PRDM14: variants seen among roughly 807,000 people sequenced by gnomAD.
PRDM14 encodes PR/SET domain 14, also known as PR domain zinc finger protein 14.
A neutral mutation model predicts 48.0 loss-of-function variants in PRDM14; 16 were observed. The observed-to-expected ratio is 0.33, with a 90% CI of 0.23 to 0.51. PRDM14 has a LOEUF of 0.51. PRDM14 is among the 20% of genes least tolerant of loss of function. The pLI is 0.97. For missense variants in PRDM14, 566 were observed against 719.6 expected (o/e 0.79, Z 2.44); for synonymous variants, 264 against 276.6 (o/e 0.95, Z 0.45).
At chr8:70,061,810 C>G (rs954943987) in intron 5 of PRDM14, among the ~76,000 whole-genome samples, 3 of 152,092 alleles carry the variant, frequency 2.0e-5, no homozygotes, top group African/African-American at 7.2e-5. Context: ...CCTCCCTCCC[C>G]CTAGCTCTTC....
chr8:70,055,463 C>G (rs1174708614), intron 6 of PRDM14, 62 bp from the exon 7 acceptor site: 3 of 955,926 alleles, frequency 3.1e-6, no homozygotes, highest in African/African-American at 3.3e-5. Context: ...CCATTTCAAC[C>G]TTGCGTTTAC....
intron 7 of PRDM14, among the ~76,000 whole-genome samples, 171 bp from the exon 8 acceptor site, chr8:70,052,475 C>T (rs952367755): frequency 2.6e-5 from 4 of 152,170 alleles, no homozygotes; most frequent in African/African-American, 7.2e-5. Context: ...CGAAAGGACT[C>T]CACTGATGTG....
chr8:70,067,819 G>T (rs969190333), intron 4 of PRDM14, among the ~76,000 whole-genome samples: 1 of 151,858 alleles, frequency 6.6e-6, no homozygotes, highest in Non-Finnish European at 1.5e-5. Context: ...AGAGTATCTG[G>T]TTATTTTTTT....
At position 70,068,276 on chromosome 8, in the gene PRDM14, T is replaced by C. The variant is rs368431550; in HGVS notation, c.866A>G (p.Asn289Ser). The C allele has an allele frequency of 2.5e-6, 4 of 1,614,106 alleles. No homozygotes were observed. The highest frequency in any genetic ancestry group is 2.7e-5 in the African/African-American group (2 of 74,940). ...TCCGTAGGTCTTCACTTCACTGGCA[T>C]TGACCACTTTACCTTGAAAGGGCCC... ...RFGPFQGKVV[N>S]ASEVKTYGDN... The change falls in exon 4 of 8, where the codon AAT becomes AGT. Residue 289 changes from asparagine to serine, a missense_variant. Physicochemically the swap from Asn to Ser is conservative, Grantham distance 46. Transcript: ENST00000276594.
At chr8:70,055,509 CTTT>C (rs201316659) in intron 6 of PRDM14, 108 bp from the exon 7 acceptor site, 6,196 of 451,986 alleles carry the variant, frequency 0.014, 1 homozygote, top group East Asian at 0.028. Context: ...CAATTTTTTT[CTTT>C]TTTTTTTTTT....
At chr8:70,059,276 C>A (rs956734032) in intron 5 of PRDM14, among the ~76,000 whole-genome samples, 2 of 143,290 alleles carry the variant, frequency 1.4e-5, no homozygotes, top group African/African-American at 2.6e-5. Flanking sequence ...CTTTTCTTTT[C>A]TTTTTTTTTT....
chr8:70,069,647 G>A lies in PRDM14; in HGVS notation c.214C>T (p.Arg72Trp). The change falls in exon 2 of 8, where the codon CGG (arginine) becomes TGG (tryptophan). Residue 72 changes from arginine to tryptophan, a missense_variant. Arg to Trp is a moderately radical substitution (Grantham distance 101, BLOSUM62 -3). Around this residue, in one of 3 missense-constraint regions of PRDM14, gnomAD observed 410 missense variants for 424.6 expected, o/e 0.97. Coordinates refer to ENST00000276594, the MANE Select transcript of PRDM14 (RefSeq NM_024504.4). ...GGGCTCAGCAAGGGAGGCGCCATCC[G>A]GAAGGGGAAGGGGGGCATGGCGGGG... ...AAPAMPPFPF[R>W]MAPPLLSPGL... 1 of 1,568,472 alleles carries A rather than the reference G, an allele frequency of 6.4e-7. No homozygotes were observed. The highest frequency in any genetic ancestry group is 8.6e-7 in the Non-Finnish European group (1 of 1,156,858).
intron 5 of PRDM14, among the ~76,000 whole-genome samples, chr8:70,065,044 G>GC (rs971197786): frequency 1.3e-5 from 2 of 151,632 alleles, no homozygotes; most frequent in African/African-American, 4.8e-5. Context: ...GTGCCACTAC[G>GC]CCCCGCTAAT....
At chr8:70,062,731 G>A (rs1665950858) in intron 5 of PRDM14, among the ~76,000 whole-genome samples, 3 of 152,244 alleles carry the variant, frequency 2.0e-5, no homozygotes, top group Non-Finnish European at 4.4e-5. Flanking sequence ...CTCCCAAAGC[G>A]CTGGGATTAC....
At position 70,068,898 on chromosome 8, in the gene PRDM14, G is replaced by C. The variant is rs187403663; in HGVS notation, c.700+263C>G. 6.3e-3 allele frequency among the ~76,000 whole-genome samples: 961 copies of C among 152,326 alleles called. 7 individuals carry two copies. Among genetic ancestry groups the C allele is most frequent in the Middle Eastern group, 0.027 (8 of 294 alleles). ...AAGGCTGTCATTGCATGTTAGCATA[G>C]AATCTGAACCTACCTGGGAGTTCGC... On this transcript the variant is annotated intron_variant, in intron 2 of 7. Transcript: ENST00000276594.
chr8:70,068,714 A>G (rs1393446437), intron 2 of PRDM14, among the ~76,000 whole-genome samples, 182 bp from the exon 3 acceptor site: 2 of 152,270 alleles, frequency 1.3e-5, no homozygotes, highest in Middle Eastern at 3.4e-3. Flanking sequence ...ACTGTAAACA[A>G]TTCCATATAC....
In PRDM14 at chr8:70,068,495, G is replaced by A; in HGVS notation, c.738C>T (p.Ser246=). The A allele has an allele frequency of 2.5e-6, 4 of 1,614,146 alleles. No homozygotes were observed. Among genetic ancestry groups the A allele is most frequent in the Middle Eastern group, 1.6e-4 (1 of 6,062 alleles). The change falls in exon 3 of 8, where the codon TCC becomes TCT. Residue 246 remains serine, a synonymous_variant. Coordinates refer to ENST00000276594, the MANE Select transcript of PRDM14 (RefSeq NM_024504.4). ...CCTGCCTACCTTCTGGAAGTTGAAG[G>A]GAGTCTTTATCCAGAGTTTGAGGAA... ...DSLPQTLDKD[S]LQLPEGLCLM... is the part of the protein sequence containing the mutation.
At chr8:70,061,463 A>G (rs939288598) in intron 5 of PRDM14, among the ~76,000 whole-genome samples, 2 of 152,196 alleles carry the variant, frequency 1.3e-5, no homozygotes, top group Non-Finnish European at 2.9e-5. Context: ...TTCATTAAGT[A>G]AATAACCAGG....
chr8:70,060,712 T>G (rs1388868665), intron 5 of PRDM14, among the ~76,000 whole-genome samples: 5 of 152,166 alleles, frequency 3.3e-5, no homozygotes, highest in African/African-American at 1.2e-4. Context: ...CCTGCAGCTC[T>G]TGAACACATT....
Position 70,069,428 on chromosome 8 carries a change from C to T in PRDM14, c.433G>A (p.Gly145Arg), listed in dbSNP as rs749308208. The T allele has an allele frequency of 1.9e-6, 3 of 1,596,026 alleles. No homozygotes were observed. Among genetic ancestry groups the T allele is most frequent in the Admixed American group, 3.4e-5 (2 of 58,510 alleles). The change falls in exon 2 of 8, where the codon GGA (glycine) becomes AGA (arginine). Residue 145 changes from glycine (G) to arginine (R), a missense_variant. Gly to Arg is a moderately radical substitution (Grantham distance 125). Transcript: ENST00000276594. The stretch of plus-strand genomic sequence containing the variant: ...GGCGGTGGAATTAAAGTGTCAGGTC[C>T]ACAACACGGGCCACTCTCGTTGTCG... ...GGDNESGPCC[G>R]PDTLIPPPPA...
At chr8:70,063,207 G>A (rs755027357) in intron 5 of PRDM14, among the ~76,000 whole-genome samples, 10 of 152,128 alleles carry the variant, frequency 6.6e-5, no homozygotes, top group Non-Finnish European at 1.3e-4. Flanking sequence ...GCCAAGGTGG[G>A]TGGATCACTT....
At chr8:70,067,526 A>C (rs1280235319) in intron 4 of PRDM14, among the ~76,000 whole-genome samples, 14 of 146,340 alleles carry the variant, frequency 9.6e-5, no homozygotes, top group African/African-American at 3.3e-4. Flanking sequence ...TCAAGAAAAA[A>C]AAAACAAAAA....
At position 70,052,104 on chromosome 8, in the gene PRDM14, G is replaced by A. The variant is rs765342965; in HGVS notation, c.1689C>T (p.Ser563=). ...KIFSDQETFY[S]HMKFHEDY is the part of the protein sequence containing the mutation. Reference sequence around the variant, plus strand: ...AGTAGTCTTCATGAAACTTCATGTGGGAGTAGAATGTTTCTTGATCTGAGA... The same window carrying A: ...AGTAGTCTTCATGAAACTTCATGTGAGAGTAGAATGTTTCTTGATCTGAGA... Residue 563 remains serine (S), a synonymous_variant, in exon 8 of 8, where the codon TCC becomes TCT. Coordinates refer to ENST00000276594, the MANE Select transcript of PRDM14 (RefSeq NM_024504.4). The A allele has an allele frequency of 1.2e-6, 2 of 1,609,842 alleles. No homozygotes were observed. Among genetic ancestry groups the A allele is most frequent in the Non-Finnish European group, 1.7e-6 (2 of 1,178,232 alleles).
At chr8:70,065,592 C>A (rs1022255518) in intron 5 of PRDM14, among the ~76,000 whole-genome samples, 1 of 152,096 alleles carries the variant, frequency 6.6e-6, no homozygotes, top group Non-Finnish European at 1.5e-5. Context: ...TTCATTCCCA[C>A]ATTAAAGTTT....
Sources: gnomAD v4.1 joint callset for allele counts (sites outside exome capture counted in the v4.1 genomes callset) on GRCh38, gnomAD v4.1.1 for gene constraint, gnomAD v4.1.1 regional missense constraint, MANE v1.5 for transcripts, NCBI Gene and HGNC (gene_info 2026-07-23, HGNC 2026-07-21) for gene names.